Variants in VCAN observed in about 807,000 individuals in gnomAD.
VCAN encodes the protein versican.
In VCAN, 44 loss-of-function variants were observed where a neutral mutation model predicts 245.5. The ratio of observed to expected loss-of-function variants is 0.18; its 90% CI spans 0.14 to 0.23. VCAN has a LOEUF of 0.23. Among genes scored for constraint, VCAN ranks in the 10% least tolerant of loss-of-function variants. The pLI, the probability that VCAN is intolerant of heterozygous loss-of-function variation, is 1.00. For missense variants in VCAN, 3,793 were observed against 4,057.9 expected (o/e 0.93, Z 1.77); for synonymous variants, 1,413 against 1,437.0 (o/e 0.98, Z 0.38).
At chr5:83,477,029 T>C (rs890629534) in intron 1 of VCAN, among the ~76,000 whole-genome samples, 3 of 152,156 alleles carry the variant, frequency 2.0e-5, no homozygotes, top group Non-Finnish European at 4.4e-5. Context: ...TGAGGTATAG[T>C]GGAATGAGCA....
At position 83,520,453 on chromosome 5, in the gene VCAN, C is replaced by T. The variant is rs1746037543; in HGVS notation, c.2147C>T (p.Thr716Ile). ...EITKSPFMGK[T>I]EEEVFSGMKL... Reference sequence around the variant, plus strand: ...ACTAAAAGTCCATTTATGGGAAAAACAGAAGAAGAAGTCTTCTCTGGGATG... The same window carrying T: ...ACTAAAAGTCCATTTATGGGAAAAATAGAAGAAGAAGTCTTCTCTGGGATG... Residue 716 changes from threonine to isoleucine, a missense_variant, in exon 7 of 15, where the codon ACA becomes ATA. Transcript: ENST00000265077. 6.2e-7 allele frequency: 1 copy of T among 1,613,748 alleles called. No homozygotes were observed. Among genetic ancestry groups the T allele is most frequent in the Non-Finnish European group, 8.5e-7 (1 of 1,179,932 alleles).
chr5:83,472,281 A>G (rs1744222027), intron 1 of VCAN, among the ~76,000 whole-genome samples: 1 of 152,036 alleles, frequency 6.6e-6, no homozygotes, highest in Non-Finnish European at 1.5e-5. Context: ...GTGGGGGGTA[A>G]AATGACTAAC....
Position 83,555,089 on chromosome 5 carries a change from A to G in VCAN, c.9735+51A>G, listed in dbSNP as rs746802439. The G allele has an allele frequency of 8.9e-6, 14 of 1,581,676 alleles. No individual in the cohort carries two copies. In the Admixed American group the frequency reaches 2.2e-4, roughly 25 times the overall value. On this transcript the variant is annotated intron_variant, in intron 12 of 14. Coordinates refer to ENST00000265077, the MANE Select transcript of VCAN (RefSeq NM_004385.5). ...AAGTTCTACCTTCTGGAAATTTGGT[A>G]CTGTGCACTGATTGTGCATTACAGA...
intron 10 of VCAN, among the ~76,000 whole-genome samples, chr5:83,552,031 G>A (rs1484051051): frequency 1.3e-5 from 2 of 152,138 alleles, no homozygotes; most frequent in Non-Finnish European, 2.9e-5. Flanking sequence ...TTAGTCAGCT[G>A]GCTGCAACTA....
At chr5:83,493,447 T>C in intron 3 of VCAN, 99 bp from the exon 4 acceptor site, 1 of 1,400,600 alleles carries the variant, frequency 7.1e-7, no homozygotes. Flanking sequence ...ATTATTACTA[T>C]GTATCCAACT....
At chr5:83,486,362 T>C (rs1333813386) in intron 2 of VCAN, among the ~76,000 whole-genome samples, 2 of 152,144 alleles carry the variant, frequency 1.3e-5, no homozygotes, top group South Asian at 2.1e-4. Context: ...AATAAATAAA[T>C]AAATGCCACA....
At chr5:83,564,670 G>A (rs1330539446) in intron 12 of VCAN, among the ~76,000 whole-genome samples, 1 of 145,684 alleles carries the variant, frequency 6.9e-6, no homozygotes, top group African/African-American at 2.5e-5. Context: ...CTTTTGCAGG[G>A]TTTTTTAGAT....
chr5:83,510,975 G>T (rs566793540), intron 5 of VCAN, among the ~76,000 whole-genome samples: 2 of 152,040 alleles, frequency 1.3e-5, no homozygotes, highest in Admixed American at 6.5e-5. Flanking sequence ...TTAGCTGGGC[G>T]TGGTGGCAGG....
At chr5:83,548,391 A>T (rs374858753) in intron 10 of VCAN, among the ~76,000 whole-genome samples, 1 of 152,294 alleles carries the variant, frequency 6.6e-6, no homozygotes, top group African/African-American at 2.4e-5. Context: ...TGTACGAAGG[A>T]GTACTGAATT....
chr5:83,551,018 G>A lies in VCAN; in HGVS notation c.9494-2346G>A, dbSNP rs568898412. ...TCATTGGGAAGCTATGATTTAGATA[G>A]TACAAATAAATGCATTTTCCCAGTT... On this transcript the variant is annotated intron_variant, in intron 10 of 14. Transcript: ENST00000265077. Among the ~76,000 whole-genome samples, 8 of 149,048 alleles carry A rather than the reference G, an allele frequency of 5.4e-5. No homozygotes were observed. In the South Asian group the frequency reaches 1.5e-3, roughly 28 times the overall value.
In VCAN at chr5:83,542,206, A is replaced by G; in HGVS notation, c.9203A>G (p.Glu3068Gly). The G allele has an allele frequency of 6.2e-7, 1 of 1,614,088 alleles. No individual in the cohort carries two copies. Among genetic ancestry groups the G allele is most frequent in the Non-Finnish European group, 8.5e-7 (1 of 1,179,970 alleles). Residue 3068 changes from glutamate (E) to glycine (G), a missense_variant, in exon 8 of 15, where the codon GAA becomes GGA. Physicochemically the swap from Glu to Gly is moderately conservative, Grantham distance 98 (BLOSUM62 -2). Coordinates refer to ENST00000265077, the MANE Select transcript of VCAN (RefSeq NM_004385.5). Reference protein sequence around the residue: ...PPFSLLETSNETDFLIGINEE... With the variant: ...PPFSLLETSNGTDFLIGINEE... Reference sequence around the variant, plus strand: ...TTTTCCCTTCTGGAGACTTCTAATGAAACAGATTTCCTGATTGGCATTAAT... The same window carrying G: ...TTTTCCCTTCTGGAGACTTCTAATGGAACAGATTTCCTGATTGGCATTAAT...
intron 5 of VCAN, among the ~76,000 whole-genome samples, chr5:83,508,325 T>C (rs901462246): frequency 1.3e-5 from 2 of 152,346 alleles, no homozygotes; most frequent in South Asian, 2.1e-4. Context: ...GATTAAAATA[T>C]AGGTCTTTAG....
chr5:83,510,677 C>T (rs757345704), intron 5 of VCAN, among the ~76,000 whole-genome samples: 3 of 152,208 alleles, frequency 2.0e-5, no homozygotes, highest in Non-Finnish European at 4.4e-5. Context: ...TTTCAGCAAA[C>T]TGTTATGTTA....
chr5:83,539,691 G>C lies in VCAN; in HGVS notation c.6688G>C (p.Glu2230Gln), dbSNP rs2112445446. Reference protein sequence around the residue: ...HVVTDSPIKKEESTKHFPKGM... With the variant: ...HVVTDSPIKKQESTKHFPKGM... ...AGTCACAGATTCACCAATCAAAAAG[G>C]AAGAAAGTACAAAACATTTTCCGAA... The change falls in exon 8 of 15, where the codon GAA (glutamate) becomes CAA (glutamine). Residue 2230 changes from glutamate (E) to glutamine (Q), a missense_variant. By Grantham distance (29) the Glu-to-Gln change is conservative (BLOSUM62 2). Transcript: ENST00000265077. 1 of 1,613,666 alleles carries C rather than the reference G, an allele frequency of 6.2e-7. No homozygotes were observed. The highest frequency in any genetic ancestry group is 1.1e-5 in the South Asian group (1 of 91,082).
In VCAN at chr5:83,471,852, A is replaced by C; in HGVS notation, c.-178A>C. 1 of 397,766 alleles carries C rather than the reference A, an allele frequency of 2.5e-6. No individual in the cohort carries two copies. Among genetic ancestry groups the C allele is most frequent in the South Asian group, 1.3e-4 (1 of 7,706 alleles). 24.6% of individuals were successfully genotyped at this position (397,766 alleles called of 1,614,324 possible). On this transcript the variant is annotated 5_prime_UTR_variant, in exon 1 of 15. Transcript: ENST00000265077. ...GTGTTGTGGACAGGAGCTGGGACCA[A>C]GATCTTCGGCCAGCCCCGCATCCTC...
At position 83,537,663 on chromosome 5, in the gene VCAN, G is replaced by T; in HGVS notation, c.4660G>T (p.Asp1554Tyr). ...AGAGTCTTCAGGAGAGATTGCCATT[G>T]ACCAAGAATCTCAGAAAATAGCCTT... ...PEESSGEIAI[D>Y]QESQKIAFAR... The change falls in exon 8 of 15, where the codon GAC (aspartate) becomes TAC (tyrosine). Residue 1554 changes from aspartate to tyrosine, a missense_variant. This residue lies in a region of VCAN where 3,182 missense variants were observed against 3,250.3 expected (regional missense o/e 0.98). Coordinates refer to ENST00000265077, the MANE Select transcript of VCAN (RefSeq NM_004385.5). 1 of 1,613,812 alleles carries T rather than the reference G, an allele frequency of 6.2e-7. No individual in the cohort carries two copies. The highest frequency in any genetic ancestry group is 1.1e-5 in the South Asian group (1 of 91,050).
rs951066000 is a variant in VCAN, at chr5:83,522,373, T to TG, written c.4003+68dup. On this transcript the variant is annotated intron_variant, in intron 7 of 14. Transcript: ENST00000265077. ...CTCATTTTATCTTGAAAGTTACTTT[T>TG]GGGGAAAAAAAGTCAACATACCAAA... 5 of 1,575,294 alleles carry TG rather than the reference T, an allele frequency of 3.2e-6. No homozygotes were observed. In the African/African-American group the frequency reaches 4.0e-5, roughly 13 times the overall value.
intron 7 of VCAN, among the ~76,000 whole-genome samples, chr5:83,532,095 A>G (rs781613398): frequency 1.4e-4 from 21 of 152,224 alleles, no homozygotes; most frequent in Non-Finnish European, 2.5e-4. Context: ...CTCTGTTCCT[A>G]TGAAATAGAG....
At chr5:83,480,135 A>G (rs1387138149) in intron 1 of VCAN, among the ~76,000 whole-genome samples, 1 of 152,226 alleles carries the variant, frequency 6.6e-6, no homozygotes, top group Non-Finnish European at 1.5e-5. Flanking sequence ...TAACTTATTC[A>G]AACATATTTA....
Sources: gnomAD v4.1 joint callset for allele counts (sites outside exome capture counted in the v4.1 genomes callset) on GRCh38, gnomAD v4.1.1 for gene constraint, gnomAD v4.1.1 regional missense constraint, MANE v1.5 for transcripts, NCBI Gene and HGNC (gene_info 2026-07-23, HGNC 2026-07-21) for gene names.